ACAD10: variants seen among roughly 807,000 people sequenced by gnomAD.
ACAD10 encodes the protein acyl-CoA dehydrogenase family member 10.
In ACAD10, 112 loss-of-function variants were observed where a neutral mutation model predicts 116.8. The ratio of observed to expected loss-of-function variants is 0.96; its 90% confidence interval spans 0.82 to 1.12. The LOEUF (loss-of-function observed/expected upper bound fraction) is 1.12. Among genes scored for constraint, ACAD10 ranks in the 50% most tolerant of loss-of-function variants. The pLI, the probability that ACAD10 is intolerant of heterozygous loss-of-function variation, is 0.00. For synonymous variants in ACAD10, 486 were observed against 510.6 expected, an observed-to-expected ratio of 0.95 and a Z score of 0.65; for missense variants, 1,259 against 1,350.2, an observed-to-expected ratio of 0.93 and a Z score of 1.06.
chr12:111,708,264 C>A (rs950064769), intron 4 of ACAD10, among the ~76,000 whole-genome samples: 1 of 152,110 alleles, frequency 6.6e-6, no homozygotes, highest in Non-Finnish European at 1.5e-5. Flanking sequence ...TATTTTACTT[C>A]CCCCAGATGT....
chr12:111,755,978 C>T (rs970170647), intron 20 of ACAD10: 8 of 706,490 alleles, frequency 1.1e-5, no homozygotes, highest in African/African-American at 1.1e-4. Context: ...GTGACTTGTC[C>T]AGGTCACTGA....
Position 111,744,049 on chromosome 12 carries a change from C to T in ACAD10, c.1715-594C>T, listed in dbSNP as rs369276622. Among the ~76,000 whole-genome samples the T allele has an allele frequency of 2.0e-5, 3 of 152,102 alleles. No homozygotes were observed. The East Asian group carries it at 5.8e-4, about 29-fold the overall frequency. On this transcript the variant is annotated intron_variant, in intron 12 of 20. Coordinates refer to ENST00000313698, the MANE Select transcript of ACAD10 (RefSeq NM_025247.6). ...AGGTGTGAGCCACCGCACCTGGCCACCTTAATTTTTTTTAATGGGGAAAAA... is the reference window on the plus strand; with the variant it reads ...AGGTGTGAGCCACCGCACCTGGCCATCTTAATTTTTTTTAATGGGGAAAAA...
At chr12:111,732,904 C>T (rs2135977846) in intron 10 of ACAD10, among the ~76,000 whole-genome samples, 1 of 152,350 alleles carries the variant, frequency 6.6e-6, no homozygotes, top group East Asian at 1.9e-4. Flanking sequence ...TGAATCTTTG[C>T]AGTCTGGGGA....
At position 111,753,846 on chromosome 12, in the gene ACAD10, C is replaced by G. The variant is rs766854319; in HGVS notation, c.2892C>G (p.Arg964=). The change falls in exon 19 of 21, where the codon CGC becomes CGG. Residue 964 remains arginine (R), a synonymous_variant. Coordinates refer to ENST00000313698, the MANE Select transcript of ACAD10 (RefSeq NM_025247.6). ...TGCTGGCGGACATCGCGCAGTCGCGCGTGGAGATTGAGCAGGCACGGCTGC... is the reference window on the plus strand; with the variant it reads ...TGCTGGCGGACATCGCGCAGTCGCGGGTGGAGATTGAGCAGGCACGGCTGC... ...GTVLADIAQS[R]VEIEQARLLV... 1 of 1,613,830 alleles carries G rather than the reference C, an allele frequency of 6.2e-7. No individual in the cohort carries two copies. The highest frequency in any genetic ancestry group is 8.5e-7 in the Non-Finnish European group (1 of 1,180,020).
intron 2 of ACAD10, among the ~76,000 whole-genome samples, chr12:111,695,875 A>G (rs1372439774): frequency 6.6e-6 from 1 of 151,946 alleles, no homozygotes; most frequent in Non-Finnish European, 1.5e-5. Context: ...TAAGCGGGGC[A>G]TGGTGATGGG....
rs775527144 is a variant in ACAD10 at position 111,756,334 on chromosome 12, C to G, written c.3041C>G (p.Ala1014Gly). Residue 1014 changes from alanine (A) to glycine (G), a missense_variant and splice_region_variant, in exon 21 of 21, where the codon GCC becomes GGC. Transcript: ENST00000313698. ...CTCCCTCCACTCTGTGTCTGCCAGG[C>G]CTTTGGAGCAGCAGGCCTGAGCAGC... ...ASRVIDRAIQ[A>G]FGAAGLSSDY... The G allele has an allele frequency of 2.5e-6, 4 of 1,599,146 alleles. No individual in the cohort carries two copies. Among genetic ancestry groups the G allele is most frequent in the Non-Finnish European group, 3.4e-6 (4 of 1,174,810 alleles).
chr12:111,722,607 C>T (rs1257484290), intron 8 of ACAD10, among the ~76,000 whole-genome samples: 2 of 151,704 alleles, frequency 1.3e-5, no homozygotes, highest in Non-Finnish European at 2.9e-5. Context: ...ATGCTGCCTT[C>T]AAGCTTCTGT....
At chr12:111,724,191 C>T (rs1273944611) in intron 8 of ACAD10, among the ~76,000 whole-genome samples, 14 of 150,490 alleles carry the variant, frequency 9.3e-5, no homozygotes, top group Non-Finnish European at 1.9e-4. Context: ...GATGGGTGGC[C>T]GGGCAGAGAC....
chr12:111,692,641 G>A (rs1888084112), intron 1 of ACAD10, 56 bp from the exon 2 acceptor site: 2 of 1,540,798 alleles, frequency 1.3e-6, no homozygotes, highest in Non-Finnish European at 1.8e-6. Context: ...CCAGGATGGA[G>A]GCCTGGTTGG....
rs188403043 is a variant in ACAD10, at chr12:111,733,874, A to G, written c.1395-49A>G. 1.5e-5 allele frequency: 24 copies of G among 1,603,600 alleles called. No homozygotes were observed. In the East Asian group the frequency reaches 4.5e-4, roughly 30 times the overall value. ...AAACAGACCACGCAGAATCCACCCT[A>G]GCCGGCAGTTTTCTTAGTGCTGTCT... On this transcript the variant is annotated intron_variant, in intron 10 of 20. Coordinates refer to ENST00000313698, the MANE Select transcript of ACAD10 (RefSeq NM_025247.6).
chr12:111,747,515 C>G (rs1198856109), intron 16 of ACAD10, 130 bp downstream of exon 16: 2 of 1,519,628 alleles, frequency 1.3e-6, no homozygotes, highest in African/African-American at 2.7e-5. Flanking sequence ...ACTTAGCGCC[C>G]CCAGCAGAGG....
intron 6 of ACAD10, among the ~76,000 whole-genome samples, chr12:111,713,093 G>A (rs1222456735): frequency 8.0e-5 from 12 of 150,034 alleles, no homozygotes; most frequent in Non-Finnish European, 1.3e-4. Flanking sequence ...CAGGTGGATC[G>A]CGAGGTCAGG....
chr12:111,727,956 T>C lies in ACAD10; in HGVS notation c.1062-6T>C. 1.2e-6 allele frequency: 2 copies of C among 1,606,192 alleles called. No individual in the cohort carries two copies. Among genetic ancestry groups the C allele is most frequent in the Non-Finnish European group, 1.7e-6 (2 of 1,176,652 alleles). The stretch of plus-strand genomic sequence containing the variant: ...ATCCCTGAAACCCCTTCTGTGTTCC[T>C]CCCAGTGTCATTGGCACCCCCTTCT... On this transcript the variant is annotated splice_region_variant and splice_polypyrimidine_tract_variant and intron_variant, in intron 8 of 20. Coordinates refer to ENST00000313698, the MANE Select transcript of ACAD10 (RefSeq NM_025247.6).
chr12:111,737,099 T>G, intron 12 of ACAD10, 95 bp downstream of exon 12: 3 of 1,220,654 alleles, frequency 2.5e-6, no homozygotes. Context: ...ACAGAGGCTT[T>G]GGAGAGACCG....
intron 4 of ACAD10, among the ~76,000 whole-genome samples, chr12:111,707,688 A>T (rs771927143): frequency 6.6e-5 from 10 of 152,174 alleles, no homozygotes; most frequent in Non-Finnish European, 1.3e-4. Context: ...CCCCTTTCTG[A>T]TTCTTTCCAT....
chr12:111,756,034 TA>T, intron 20 of ACAD10: 1 of 1,004,526 alleles, frequency 1.0e-6, no homozygotes, highest in Non-Finnish European at 1.4e-6. Context: ...TGGGTTTTCA[TA>T]AGCCCAGAGC....
intron 3 of ACAD10, 57 bp from the exon 4 acceptor site, chr12:111,705,681 A>T (rs1005300408): frequency 9.4e-6 from 14 of 1,493,914 alleles, no homozygotes; most frequent in Admixed American, 2.0e-5. Flanking sequence ...TCTGTTGGCC[A>T]TGAGTGTTTG....
intron 12 of ACAD10, among the ~76,000 whole-genome samples, chr12:111,740,849 C>A (rs1249735885): frequency 6.8e-6 from 1 of 146,410 alleles, no homozygotes; most frequent in East Asian, 2.0e-4. Context: ...AAACAAAAGG[C>A]AAGGAGAAAG....
chr12:111,688,261 T>C (rs649406), intron 1 of ACAD10: 39,729 of 152,132 alleles, frequency 0.26, 6,855 homozygotes, highest in East Asian at 0.9. Context: ...GGCCTTGGCA[T>C]AGGAACGTTA....
Sources: allele counts gnomAD v4.1 joint callset (sites outside exome capture counted in the v4.1 genomes callset), GRCh38; gene constraint gnomAD v4.1.1; transcripts MANE v1.5; gene names NCBI Gene and HGNC (gene_info 2026-07-23, HGNC 2026-07-21).